The following GRM7 variants were observed in gnomAD, a reference collection of about 807,000 sequenced individuals.
The protein encoded by GRM7 is metabotropic glutamate receptor 7.
In GRM7, 35 loss-of-function variants were observed where a neutral mutation model predicts 84.5. The ratio of observed to expected loss-of-function variants is 0.41; its 90% confidence interval spans 0.32 to 0.55. The LOEUF (loss-of-function observed/expected upper bound fraction) is 0.55. GRM7 is among the 20% of genes least tolerant of loss of function. The probability of loss-of-function intolerance (pLI) is 0.19; values close to 1 mark genes in which losing one functional copy is unlikely to be tolerated. For missense variants in GRM7, 1,003 were observed against 1,194.6 expected, an observed-to-expected ratio of 0.84 and a Z score of 2.36; for synonymous variants, 487 against 455.1, an observed-to-expected ratio of 1.07 and a Z score of -0.89.
At chr3:7,731,565 C>A (rs1702332212) in intron 9 of GRM7, among the ~76,000 whole-genome samples, 1 of 152,150 alleles carries the variant, frequency 6.6e-6, no homozygotes. Context: ...TGATAATAGG[C>A]CTTGCCCAAA....
At chr3:6,993,280 A>C (rs909054542) in intron 1 of GRM7, among the ~76,000 whole-genome samples, 8 of 152,216 alleles carry the variant, frequency 5.3e-5, no homozygotes, top group South Asian at 4.1e-4. Context: ...TATGGGAACT[A>C]CAATTCAAGA....
rs1575009384 is a variant in GRM7, at chr3:7,188,638, G to T, written c.736+41970G>T. Among the ~76,000 whole-genome samples the T allele has an allele frequency of 6.6e-6, 1 of 152,142 alleles. No individual in the cohort carries two copies. Among genetic ancestry groups the T allele is most frequent in the South Asian group, 2.1e-4 (1 of 4,828 alleles). On this transcript the variant is annotated intron_variant, in intron 2 of 9. Coordinates refer to ENST00000357716, the MANE Select transcript of GRM7 (RefSeq NM_000844.4). The surrounding 1 kb of genome is among the most constrained non-coding windows in gnomAD (Gnocchi z 4.2). ...GGATCTACTTGAGTGTATAAGGGTT[G>T]GGGAGACAGTGGTGACACATAGATC...
chr3:7,527,148 C>T (rs550730185), intron 7 of GRM7, among the ~76,000 whole-genome samples: 6 of 151,968 alleles, frequency 3.9e-5, no homozygotes, highest in Non-Finnish European at 7.4e-5. Flanking sequence ...TCCATTCTTC[C>T]AATCCATAAA....
chr3:7,445,497 G>A (rs1462641604), intron 5 of GRM7, among the ~76,000 whole-genome samples: 4 of 152,144 alleles, frequency 2.6e-5, no homozygotes, highest in African/African-American at 4.8e-5. Flanking sequence ...TGCGGGTGGT[G>A]CTGTGACCCC....
At chr3:7,034,382 T>A (rs546360232) in intron 1 of GRM7, among the ~76,000 whole-genome samples, 21 of 152,202 alleles carry the variant, frequency 1.4e-4, no homozygotes, top group Admixed American at 3.3e-4. Flanking sequence ...ACTACTGTAA[T>A]ACCTGGGCTA....
intron 8 of GRM7, among the ~76,000 whole-genome samples, chr3:7,595,787 G>T (rs1251961348): frequency 1.3e-5 from 2 of 152,116 alleles, no homozygotes; most frequent in Non-Finnish European, 2.9e-5. Flanking sequence ...GGCAAGAGGA[G>T]CAGTAAGGAG....
chr3:7,205,916 CTA>C (rs1213958627), intron 2 of GRM7, among the ~76,000 whole-genome samples: 15 of 152,148 alleles, frequency 9.9e-5, no homozygotes, highest in Admixed American at 8.5e-4. Context: ...TAGAATTGAG[CTA>C]TGTGTCTTTA....
chr3:7,489,562 G>T (rs1486836265), intron 7 of GRM7, among the ~76,000 whole-genome samples: 4 of 152,150 alleles, frequency 2.6e-5, no homozygotes, highest in African/African-American at 9.7e-5. Context: ...TAAGGGTGGT[G>T]CTTCAGGTGA....
intron 7 of GRM7, among the ~76,000 whole-genome samples, chr3:7,537,291 G>T (rs1701278591): frequency 6.6e-6 from 1 of 151,870 alleles, no homozygotes; most frequent in South Asian, 2.1e-4. Flanking sequence ...ACTTTTCAAG[G>T]TATCTACCCT....
chr3:7,420,520 C>T (rs1251740846), intron 5 of GRM7, among the ~76,000 whole-genome samples: 4 of 152,074 alleles, frequency 2.6e-5, no homozygotes, highest in Non-Finnish European at 5.9e-5. Flanking sequence ...AGGCTTGCCA[C>T]AGATTAATGA....
At chr3:7,361,149 G>T (rs577374165) in intron 4 of GRM7, among the ~76,000 whole-genome samples, 24 of 152,108 alleles carry the variant, frequency 1.6e-4, no homozygotes, top group Non-Finnish European at 3.2e-4. Flanking sequence ...TTGATTTATT[G>T]TCTGTCTTCT....
At chr3:7,730,451 A>G (rs1489626892) in intron 9 of GRM7, among the ~76,000 whole-genome samples, 1 of 152,236 alleles carries the variant, frequency 6.6e-6, no homozygotes, top group East Asian at 1.9e-4. Flanking sequence ...GTAGGTGCTC[A>G]ACAGATACAT....
chr3:7,508,591 G>A (rs1700104026), intron 7 of GRM7, among the ~76,000 whole-genome samples: 1 of 152,090 alleles, frequency 6.6e-6, no homozygotes, highest in Non-Finnish European at 1.5e-5. Context: ...CAATATCATG[G>A]TGAGTCTGGA....
intron 7 of GRM7, among the ~76,000 whole-genome samples, chr3:7,482,998 T>A (rs1050957508): frequency 6.6e-6 from 1 of 152,184 alleles, no homozygotes; most frequent in Non-Finnish European, 1.5e-5. Context: ...CTCCTAACAA[T>A]TTTAAGCTGT....
rs566074445 is a variant in GRM7 at position 7,172,848 on chromosome 3, A to C, written c.736+26180A>C. On this transcript the variant is annotated intron_variant, in intron 2 of 9. Coordinates refer to ENST00000357716, the MANE Select transcript of GRM7 (RefSeq NM_000844.4). ...TATATTGAGTCTCTAATGGATACAG[A>C]TACTATGCTCTATGTCAGCCCCACT... 3.9e-5 allele frequency among the ~76,000 whole-genome samples: 6 copies of C among 152,216 alleles called. No homozygotes were observed. The South Asian group carries it at 1.2e-3, about 32-fold the overall frequency.
chr3:7,524,195 T>C (rs988090991), intron 7 of GRM7, among the ~76,000 whole-genome samples: 7 of 150,968 alleles, frequency 4.6e-5, no homozygotes, highest in African/African-American at 1.7e-4. Context: ...ATTCAGGACA[T>C]AGGCATGGGC....
chr3:6,993,041 A>G (rs908609366), intron 1 of GRM7, among the ~76,000 whole-genome samples: 1 of 152,258 alleles, frequency 6.6e-6, no homozygotes, highest in African/African-American at 2.4e-5. Context: ...TCAGTTCAGC[A>G]TGGCTGGGGA....
chr3:7,352,053 CA>C (rs1307347258), intron 4 of GRM7, among the ~76,000 whole-genome samples: 92 of 110,466 alleles, frequency 8.3e-4, no homozygotes, highest in African/African-American at 2.7e-3. Context: ...CACACACACA[CA>C]CACCACACAC....
chr3:7,118,056 G>C (rs1693096168), intron 1 of GRM7, among the ~76,000 whole-genome samples: 2 of 151,942 alleles, frequency 1.3e-5, no homozygotes, highest in African/African-American at 4.8e-5. Context: ...TCTGTCAAAG[G>C]GAAAGATAGT....
Sources: gnomAD v4.1 joint callset for allele counts (sites outside exome capture counted in the v4.1 genomes callset) on GRCh38, gnomAD v4.1.1 for gene constraint, Gnocchi (gnomAD v3.1) non-coding constraint, MANE v1.5 for transcripts, NCBI Gene and HGNC (gene_info 2026-07-23, HGNC 2026-07-21) for gene names.